Variants in NHS observed in about 807,000 individuals in gnomAD.
NHS encodes NHS actin remodeling regulator.
Under a neutral mutation model 72.5 loss-of-function variants are expected in NHS, and 5 were observed. That is an observed-to-expected ratio of 0.07 (90% CI 0.04 to 0.14). The LOEUF (loss-of-function observed/expected upper bound fraction) is 0.14, where lower values mean the gene tolerates loss of function less well. Among genes scored for constraint, NHS ranks in the 10% least tolerant of loss-of-function variants. NHS has a pLI of 1.00. For missense variants in NHS, 1,072 were observed against 1,355.7 expected, an observed-to-expected ratio of 0.79 and a Z score of 3.29; for synonymous variants, 464 against 547.7, an observed-to-expected ratio of 0.85 and a Z score of 2.13.
intron 1 of NHS, among the ~76,000 whole-genome samples, chrX:17,629,858 A>T (rs781362311): frequency 2.7e-5 from 3 of 110,921 alleles, no homozygotes; most frequent in Non-Finnish European, 3.8e-5. Context: ...CTTTTTCCTG[A>T]AATGCCAGAG....
intron 1 of NHS, among the ~76,000 whole-genome samples, chrX:17,471,269 A>T (rs973704116): frequency 6.3e-5 from 7 of 111,695 alleles, no homozygotes; most frequent in Non-Finnish European, 1.3e-4. Context: ...TATGTCTGTT[A>T]TATCTCTGCA....
At chrX:17,504,673 G>A (rs969034885) in intron 1 of NHS, among the ~76,000 whole-genome samples, 2 of 111,960 alleles carry the variant, frequency 1.8e-5, no homozygotes, top group African/African-American at 3.2e-5. Context: ...AGAGAGGACT[G>A]GCAGCTAACA....
intron 1 of NHS, among the ~76,000 whole-genome samples, chrX:17,581,697 AG>A (rs2065544632): frequency 9.0e-6 from 1 of 111,549 alleles, no homozygotes; most frequent in African/African-American, 3.3e-5. Flanking sequence ...TGGAATTAAC[AG>A]GTTAATTAGG....
At chrX:17,567,308 T>C (rs1183588919) in intron 1 of NHS, among the ~76,000 whole-genome samples, 2 of 111,726 alleles carry the variant, frequency 1.8e-5, no homozygotes, top group Non-Finnish European at 3.8e-5. Context: ...GGAATTCCTC[T>C]GCAGTCACTC....
intron 3 of NHS, among the ~76,000 whole-genome samples, chrX:17,694,272 T>C (rs908443642): frequency 4.5e-5 from 5 of 112,173 alleles, no homozygotes; most frequent in African/African-American, 1.6e-4. Context: ...GTTTTATTTG[T>C]TCAAGAGTTT....
intron 1 of NHS, among the ~76,000 whole-genome samples, chrX:17,395,493 C>A (rs747824109): frequency 8.9e-6 from 1 of 112,445 alleles, no homozygotes; most frequent in Non-Finnish European, 1.9e-5. Context: ...AAAACATTCA[C>A]CTCATGGACA....
chrX:17,491,279 T>C (rs1410122299), intron 1 of NHS, among the ~76,000 whole-genome samples: 1 of 111,904 alleles, frequency 8.9e-6, no homozygotes, highest in Non-Finnish European at 1.9e-5. Context: ...AAATAGCTCT[T>C]ATTATTTTGA....
At chrX:17,676,591 C>T (rs2066082900) in intron 1 of NHS, among the ~76,000 whole-genome samples, 1 of 112,734 alleles carries the variant, frequency 8.9e-6, no homozygotes, top group Non-Finnish European at 1.9e-5. Flanking sequence ...TATTTCCGAT[C>T]AGTATTATCT....
At chrX:17,617,101 G>A (rs1001067615) in intron 1 of NHS, among the ~76,000 whole-genome samples, 2 of 112,218 alleles carry the variant, frequency 1.8e-5, no homozygotes, top group Non-Finnish European at 3.8e-5. Context: ...CGGGACTGTC[G>A]TGAAAGTAAT....
In NHS at chrX:17,378,099, CCTT is replaced by C. The variant is rs199602638; in HGVS notation, c.565+1778_565+1780del. Among the ~76,000 whole-genome samples the C allele has an allele frequency of 6.9e-3, 644 of 93,005 alleles. 10 individuals are homozygous for C. Among genetic ancestry groups the C allele is most frequent in the African/African-American group, 0.032 (619 of 19,554 alleles). The allele number at this position is 93,005 out of a possible 115,157, so 80.8% of individuals were successfully genotyped here. On this transcript the variant is annotated intron_variant, in intron 1 of 8. Coordinates refer to ENST00000676302, the MANE Select transcript of NHS (RefSeq NM_001291867.2). ...GTGTGTGTGTGTGAGACACACCTCT[CCTT>C]AAGTTAGATTTCACGCGAATGAAAC...
chrX:17,546,537 A>G (rs1569278236), intron 1 of NHS, among the ~76,000 whole-genome samples: 1 of 112,301 alleles, frequency 8.9e-6, no homozygotes, highest in African/African-American at 3.2e-5. Context: ...AGTATGATCT[A>G]TTCATTCATT....
chrX:17,681,719 T>C (rs913614838), intron 1 of NHS, among the ~76,000 whole-genome samples: 3 of 112,126 alleles, frequency 2.7e-5, no homozygotes, highest in Non-Finnish European at 5.6e-5. Flanking sequence ...ACAACCATGG[T>C]AACAGCAATA....
intron 5 of NHS, among the ~76,000 whole-genome samples, chrX:17,723,798 A>G (rs7059308): frequency 0.17 from 14,959 of 87,733 alleles, 2,821 homozygotes; most frequent in African/African-American, 0.54. Context: ...TGGGGAATGC[A>G]AGAAGGTTTG....
At chrX:17,594,155 A>G (rs564072680) in intron 1 of NHS, among the ~76,000 whole-genome samples, 49 of 112,151 alleles carry the variant, frequency 4.4e-4, no homozygotes, top group African/African-American at 1.5e-3. Context: ...GAAGAAATCT[A>G]TGTTCAGAAA....
intron 1 of NHS, among the ~76,000 whole-genome samples, chrX:17,476,855 G>A (rs2064921545): frequency 8.9e-6 from 1 of 111,985 alleles, no homozygotes; most frequent in Non-Finnish European, 1.9e-5. Flanking sequence ...AGGAAAATTA[G>A]CCCGTAGGCT....
At chrX:17,658,770 T>C (rs2065969310) in intron 1 of NHS, among the ~76,000 whole-genome samples, 1 of 111,717 alleles carries the variant, frequency 9.0e-6, no homozygotes, top group Non-Finnish European at 1.9e-5. Flanking sequence ...TTCAGTTTTT[T>C]AAGAACATCA....
chrX:17,391,061 A>G (rs1435497669), intron 1 of NHS, among the ~76,000 whole-genome samples: 1 of 111,596 alleles, frequency 9.0e-6, no homozygotes, highest in Non-Finnish European at 1.9e-5. Context: ...CAAACAAACA[A>G]ACAGACAGAC....
chrX:17,579,861 TG>T (rs1252522900), intron 1 of NHS, among the ~76,000 whole-genome samples: 3 of 111,130 alleles, frequency 2.7e-5, no homozygotes, highest in Non-Finnish European at 5.7e-5. Flanking sequence ...CAACCAAAGT[TG>T]GGTGAGGGGG....
intron 1 of NHS, among the ~76,000 whole-genome samples, chrX:17,525,638 CTTTT>C (rs1162709869): frequency 5.5e-4 from 29 of 53,024 alleles, no homozygotes; most frequent in African/African-American, 2.2e-3. Context: ...TCTTTCTTTT[CTTTT>C]TTTTTTTTTT....
Sources: allele counts gnomAD v4.1 joint callset (sites outside exome capture counted in the v4.1 genomes callset), GRCh38; gene constraint gnomAD v4.1.1; transcripts MANE v1.5; gene names NCBI Gene and HGNC (gene_info 2026-07-23, HGNC 2026-07-21).